Variants in RFX3 observed in about 807,000 individuals in gnomAD.
RFX3 encodes the protein transcription factor RFX3.
A neutral mutation model predicts 98.6 loss-of-function variants in RFX3; 14 were observed. That is an observed-to-expected ratio of 0.14 (90% CI 0.09 to 0.22). The LOEUF is 0.22. Ranked by LOEUF, RFX3 falls within the 10% of genes least tolerant of loss-of-function variation. The pLI, the probability that RFX3 is intolerant of heterozygous loss-of-function variation, is 1.00. For missense variants in RFX3, 639 were observed against 926.9 expected (o/e 0.69, Z 4.03); for synonymous variants, 383 against 328.4 (o/e 1.17, Z -1.80).
chr9:3,270,876 C>T (rs1166742355), intron 10 of RFX3, 127 bp downstream of exon 10: 2 of 1,368,278 alleles, frequency 1.5e-6, no homozygotes, highest in Non-Finnish European at 2.0e-6. Flanking sequence ...TCTAGGATGG[C>T]CAAAACATCA....
chr9:3,385,887 A>T (rs1202304375), intron 2 of RFX3, among the ~76,000 whole-genome samples: 1 of 152,058 alleles, frequency 6.6e-6, no homozygotes, highest in African/African-American at 2.4e-5. Context: ...TCCTATCACA[A>T]TGCCACACTT....
chr9:3,306,044 A>G (rs911590892), intron 4 of RFX3, among the ~76,000 whole-genome samples: 3 of 152,056 alleles, frequency 2.0e-5, no homozygotes, highest in Non-Finnish European at 4.4e-5. Flanking sequence ...TGCTAGGTAG[A>G]AATATACGTA....
chr9:3,519,005 C>T (rs1818447685), intron 1 of RFX3, among the ~76,000 whole-genome samples: 1 of 152,142 alleles, frequency 6.6e-6, no homozygotes, highest in African/African-American at 2.4e-5. Flanking sequence ...TATTATTAAA[C>T]TTTACTGACT....
intron 1 of RFX3, among the ~76,000 whole-genome samples, chr9:3,418,939 CAT>C (rs1240818644): frequency 4.6e-5 from 7 of 152,264 alleles, no homozygotes; most frequent in South Asian, 4.1e-4. Context: ...AATAATATCA[CAT>C]GAGATGATAG....
rs756712369 is a variant in RFX3 at position 3,221,752 on chromosome 9, T to C, written c.*3290A>G. 1 of 152,176 alleles carries C rather than the reference T, an allele frequency of 6.6e-6. No individual in the cohort carries two copies. The highest frequency in any genetic ancestry group is 1.5e-5 in the Non-Finnish European group (1 of 68,012). 9.4% of individuals were successfully genotyped at this position (152,176 alleles called of 1,614,324 possible). A position where few individuals can be genotyped will look rare whatever the true frequency, so the allele number is the denominator to read the frequency against. On this transcript the variant is annotated 3_prime_UTR_variant, in exon 17 of 17. Transcript: ENST00000617270. The stretch of plus-strand genomic sequence containing the variant: ...ATGAATGCAAATCTTTTGAGTATGA[T>C]TTTCAAACTATATGTCAAGATCAAA...
rs1564185208 is a variant in RFX3 at position 3,504,864 on chromosome 9, T to TATATTATATATATTATATATGATATAAC, written c.-9+20882_-9+20883insGTTATATCATATATAATATATATAATAT. The stretch of plus-strand genomic sequence containing the variant: ...AATATATATATTATATATGATATAA[T>TATATTATATATATTATATATGATATAAC]ATATATTATATATATTATATATAAT... On this transcript the variant is annotated intron_variant, in intron 1 of 16. Coordinates refer to ENST00000617270, the MANE Select transcript of RFX3 (RefSeq NM_001282116.2). Among the ~76,000 whole-genome samples the TATATTATATATATTATATATGATATAAC allele has an allele frequency of 2.0e-4, 14 of 71,020 alleles. No individual in the cohort carries two copies. In the Admixed American group the frequency reaches 2.3e-3, roughly 12 times the overall value. The allele number at this position is 71,020 out of a possible 152,430, so 46.6% of individuals were successfully genotyped here.
At position 3,220,117 on chromosome 9, in the gene RFX3, A is replaced by C. The variant is rs995124370; in HGVS notation, c.*4925T>G. ...TTGCTCTCCATTCTATCTATATATA[A>C]TTTTTTGACAACGTATTAAAGTTTT... is the stretch of plus-strand genomic sequence containing the variant. On this transcript the variant is annotated 3_prime_UTR_variant, in exon 17 of 17. Coordinates refer to ENST00000617270, the MANE Select transcript of RFX3 (RefSeq NM_001282116.2). 2.6e-5 allele frequency: 4 copies of C among 152,158 alleles called. No homozygotes were observed. Among genetic ancestry groups the C allele is most frequent in the African/African-American group, 7.2e-5 (3 of 41,434 alleles). 9.4% of individuals were successfully genotyped at this position (152,158 alleles called of 1,614,324 possible). A position where few individuals can be genotyped will look rare whatever the true frequency, so the allele number is the denominator to read the frequency against.
At chr9:3,380,399 T>A (rs999668016) in intron 2 of RFX3, among the ~76,000 whole-genome samples, 1 of 152,192 alleles carries the variant, frequency 6.6e-6, no homozygotes, top group Non-Finnish European at 1.5e-5. Flanking sequence ...CTTTATGTCA[T>A]CTTCTGTTTA....
At chr9:3,390,705 G>A (rs1197555689) in intron 2 of RFX3, among the ~76,000 whole-genome samples, 1 of 152,102 alleles carries the variant, frequency 6.6e-6, no homozygotes, top group Non-Finnish European at 1.5e-5. Flanking sequence ...GAGTTTCCCT[G>A]CACAAGCTCT....
chr9:3,475,990 G>T (rs960124621), intron 1 of RFX3, among the ~76,000 whole-genome samples: 6 of 152,154 alleles, frequency 3.9e-5, no homozygotes, highest in African/African-American at 1.4e-4. Context: ...GAGCTCTCTG[G>T]TGGCCCTGTC....
At chr9:3,486,956 T>C (rs933749893) in intron 1 of RFX3, among the ~76,000 whole-genome samples, 7 of 152,186 alleles carry the variant, frequency 4.6e-5, no homozygotes, top group Non-Finnish European at 1.0e-4. Context: ...AATTCTACAA[T>C]ATGAAAAGGG....
intron 1 of RFX3, among the ~76,000 whole-genome samples, chr9:3,408,036 T>G (rs1842113779): frequency 6.6e-6 from 1 of 151,932 alleles, no homozygotes; most frequent in Non-Finnish European, 1.5e-5. Flanking sequence ...TCTAAAGGAG[T>G]AGGAATGACT....
At chr9:3,439,993 A>G (rs1276514398) in intron 1 of RFX3, among the ~76,000 whole-genome samples, 1 of 152,054 alleles carries the variant, frequency 6.6e-6, no homozygotes, top group African/African-American at 2.4e-5. Context: ...ATACTAAGAA[A>G]CTGAAAAAGA....
chr9:3,268,352 C>T (rs1823930645), intron 11 of RFX3, among the ~76,000 whole-genome samples: 2 of 151,590 alleles, frequency 1.3e-5, no homozygotes, highest in African/African-American at 4.8e-5. Context: ...CATGTATGTA[C>T]AAAATTGTGC....
chr9:3,358,864 G>T (rs1360557407), intron 2 of RFX3, among the ~76,000 whole-genome samples: 5 of 152,034 alleles, frequency 3.3e-5, no homozygotes, highest in African/African-American at 1.2e-4. Context: ...AATGCCAAGC[G>T]AAGGGGAAAG....
chr9:3,235,294 G>A (rs1475517745), intron 15 of RFX3, among the ~76,000 whole-genome samples: 1 of 152,152 alleles, frequency 6.6e-6, no homozygotes, highest in Non-Finnish European at 1.5e-5. Context: ...AGATGATGAC[G>A]GCTTTCAGCG....
intron 1 of RFX3, among the ~76,000 whole-genome samples, chr9:3,433,463 A>G (rs531874130): frequency 6.6e-6 from 1 of 152,332 alleles, no homozygotes; most frequent in Admixed American, 6.5e-5. Flanking sequence ...AATACAGTAC[A>G]TAATACAGAT....
chr9:3,515,703 TTAAAG>T (rs1225767533), intron 1 of RFX3, among the ~76,000 whole-genome samples: 2 of 152,188 alleles, frequency 1.3e-5, no homozygotes, highest in African/African-American at 2.4e-5. Flanking sequence ...GTTTTGAACA[TTAAAG>T]TAAACTATGC....
At chr9:3,513,821 T>C (rs547232783) in intron 1 of RFX3, among the ~76,000 whole-genome samples, 2 of 152,236 alleles carry the variant, frequency 1.3e-5, no homozygotes, top group East Asian at 1.9e-4. Context: ...AGTTCCAAGA[T>C]AAAAGAATCC....
Sources: allele counts gnomAD v4.1 joint callset (sites outside exome capture counted in the v4.1 genomes callset), GRCh38; gene constraint gnomAD v4.1.1; transcripts MANE v1.5; gene names NCBI Gene and HGNC (gene_info 2026-07-23, HGNC 2026-07-21).